The following MGMT variants were observed in gnomAD, a reference collection of about 807,000 sequenced individuals.
MGMT encodes the protein methylated-DNA--protein-cysteine methyltransferase.
Under a neutral mutation model 15.9 loss-of-function variants are expected in MGMT, and 14 were observed. The observed-to-expected ratio is 0.88, with a 90% CI of 0.58 to 1.37. The LOEUF (loss-of-function observed/expected upper bound fraction) is 1.37. Among genes scored for constraint, MGMT ranks in the 40% most tolerant of loss-of-function variants. MGMT has a pLI of 0.00. For missense variants in MGMT, 282 were observed against 268.1 expected, an observed-to-expected ratio of 1.05 and a Z score of -0.36; for synonymous variants, 130 against 118.2, an observed-to-expected ratio of 1.10 and a Z score of -0.65.
rs1185912904 is a variant in MGMT, at chr10:129,533,785, G to T, written c.-12-2456G>T. Among the ~76,000 whole-genome samples the T allele has an allele frequency of 2.0e-5, 3 of 152,176 alleles. No individual in the cohort carries two copies. The highest frequency in any genetic ancestry group is 2.9e-5 in the Non-Finnish European group (2 of 68,042). On this transcript the variant is annotated intron_variant, in intron 1 of 4. Transcript: ENST00000651593. The surrounding 1 kb of genome is among the most constrained non-coding windows in gnomAD (Gnocchi z 4.5). Reference sequence around the variant, plus strand: ...CCAGCATCCTGCCTGAGAAGCAGTGGCCCGGGATGGTGGGAGATGTCTGCA... The same window carrying T: ...CCAGCATCCTGCCTGAGAAGCAGTGTCCCGGGATGGTGGGAGATGTCTGCA...
At chr10:129,569,388 T>A (rs1846391988) in intron 2 of MGMT, among the ~76,000 whole-genome samples, 1 of 152,174 alleles carries the variant, frequency 6.6e-6, no homozygotes, top group African/African-American at 2.4e-5. Flanking sequence ...CAGCACAGCC[T>A]TGTCCTCGGG....
chr10:129,729,441 C>A (rs879280), intron 3 of MGMT, among the ~76,000 whole-genome samples: 33,483 of 152,112 alleles, frequency 0.22, 4,666 homozygotes, highest in East Asian at 0.43. Context: ...GCCGAGCTGC[C>A]AGCCTCACCT....
intron 2 of MGMT, among the ~76,000 whole-genome samples, chr10:129,690,817 C>A (rs911524415): frequency 2.0e-5 from 3 of 152,152 alleles, no homozygotes; most frequent in African/African-American, 7.2e-5. Flanking sequence ...AGAGCCTGAG[C>A]CCCAGGCCAG....
intron 2 of MGMT, among the ~76,000 whole-genome samples, chr10:129,674,287 T>A (rs894893595): frequency 1.3e-5 from 2 of 151,404 alleles, no homozygotes; most frequent in African/African-American, 2.4e-5. Context: ...AAAAAAAAAA[T>A]AGTATAAACT....
intron 2 of MGMT, among the ~76,000 whole-genome samples, chr10:129,550,912 A>AC (rs1336936079): frequency 6.6e-5 from 10 of 151,920 alleles, no homozygotes; most frequent in African/African-American, 2.4e-4. Flanking sequence ...GTGTCCAAAG[A>AC]CCCCTGAGAC....
intron 1 of MGMT, among the ~76,000 whole-genome samples, chr10:129,503,282 C>T (rs1449230525): frequency 6.6e-6 from 1 of 152,104 alleles, no homozygotes. Context: ...AATGTCCCTG[C>T]CACTTCCCGA....
At chr10:129,646,432 A>G (rs375153522) in intron 2 of MGMT, among the ~76,000 whole-genome samples, 1 of 151,990 alleles carries the variant, frequency 6.6e-6, no homozygotes, top group African/African-American at 2.4e-5. Context: ...ATTTTTAACT[A>G]ACTGAAGCCA....
At chr10:129,579,761 A>G (rs1846530572) in intron 2 of MGMT, among the ~76,000 whole-genome samples, 1 of 152,166 alleles carries the variant, frequency 6.6e-6, no homozygotes, top group Admixed American at 6.5e-5. Flanking sequence ...CACATCGTTG[A>G]GGTTATGAGC....
intron 2 of MGMT, among the ~76,000 whole-genome samples, chr10:129,546,825 T>C (rs1846103187): frequency 6.6e-6 from 1 of 152,218 alleles, no homozygotes; most frequent in Non-Finnish European, 1.5e-5. Flanking sequence ...TGTGTTTGAT[T>C]AGTTTGACTT....
In MGMT at chr10:129,702,669, G is replaced by C. The variant is rs561881482; in HGVS notation, c.126-5226G>C. 1.6e-4 allele frequency among the ~76,000 whole-genome samples: 24 copies of C among 152,304 alleles called. No homozygotes were observed. The East Asian group carries it at 4.6e-3, about 29-fold the overall frequency. On this transcript the variant is annotated intron_variant, in intron 2 of 4. Transcript: ENST00000651593. ...TTGTCTCCTGCACTGGCTCCTGCTG[G>C]CATCATGAGCTGGCATCCGTGGCAG...
chr10:129,638,040 T>G (rs1422240983), intron 2 of MGMT, among the ~76,000 whole-genome samples: 2 of 152,192 alleles, frequency 1.3e-5, no homozygotes, highest in Non-Finnish European at 1.5e-5. Flanking sequence ...AGGCTGAAAT[T>G]CTAGGTAGAT....
At chr10:129,546,869 A>G (rs1364012209) in intron 2 of MGMT, among the ~76,000 whole-genome samples, 1 of 152,232 alleles carries the variant, frequency 6.6e-6, no homozygotes, top group African/African-American at 2.4e-5. Context: ...TGCTCAGCAT[A>G]TGCCTGAACT....
Position 129,719,700 on chromosome 10 carries a change from A to G in MGMT, c.274+11657A>G, listed in dbSNP as rs141398357. On this transcript the variant is annotated intron_variant, in intron 3 of 4. Transcript: ENST00000651593. Reference sequence around the variant, plus strand: ...TGAACAACCGAATGAGAACTTCTTCACCTCTTAAAGACCCCATCTGCTGAT... The same window carrying G: ...TGAACAACCGAATGAGAACTTCTTCGCCTCTTAAAGACCCCATCTGCTGAT... 2.2e-3 allele frequency among the ~76,000 whole-genome samples: 336 copies of G among 152,154 alleles called. 1 individual carries two copies. The highest frequency in any genetic ancestry group is 7.7e-3 in the African/African-American group (319 of 41,504).
In MGMT at chr10:129,766,898, G is replaced by A; in HGVS notation, c.525G>A (p.Arg175=). 6.2e-7 allele frequency: 1 copy of A among 1,613,574 alleles called. No homozygotes were observed. Among genetic ancestry groups the A allele is most frequent in the Non-Finnish European group, 8.5e-7 (1 of 1,180,040 alleles). ...GGCTTCTGGCCCATGAAGGCCACCG[G>A]TTGGGGAAGCCAGGCTTGGGAGGGA... is the stretch of plus-strand genomic sequence containing the variant. ...KEWLLAHEGH[R]LGKPGLGGSS... is the part of the protein sequence containing the mutation. Residue 175 remains arginine (R), a synonymous_variant, in exon 5 of 5, where the codon CGG becomes CGA. Transcript: ENST00000651593.
chr10:129,520,928 C>T lies in MGMT; in HGVS notation c.-12-15313C>T, dbSNP rs180792115. On this transcript the variant is annotated intron_variant, in intron 1 of 4. Transcript: ENST00000651593. The stretch of plus-strand genomic sequence containing the variant: ...GTGTGCATACAGAACCCCTACGGTG[C>T]GGGTACACAGCCCCTAAGGTGTGCC... 4.2e-3 allele frequency among the ~76,000 whole-genome samples: 621 copies of T among 148,216 alleles called. 6 individuals are homozygous for T. Among genetic ancestry groups the T allele is most frequent in the African/African-American group, 0.014 (571 of 40,134 alleles).
At chr10:129,521,357 C>T (rs945581104) in intron 1 of MGMT, among the ~76,000 whole-genome samples, 7 of 152,116 alleles carry the variant, frequency 4.6e-5, no homozygotes, top group East Asian at 1.9e-4. Context: ...AGCGAGGCCC[C>T]GCCCAGCCTC....
chr10:129,767,063 G>C lies in MGMT; in HGVS notation c.*66G>C. On this transcript the variant is annotated 3_prime_UTR_variant, in exon 5 of 5. Coordinates refer to ENST00000651593, the MANE Select transcript of MGMT (RefSeq NM_002412.5). ...TAACACTGCATCGGATGCGGGGCGT[G>C]GAGGCACCGCTGTATTAAAGGAAGT... is the stretch of plus-strand genomic sequence containing the variant. 3.8e-6 allele frequency: 5 copies of C among 1,317,166 alleles called. No homozygotes were observed. The highest frequency in any genetic ancestry group is 5.2e-6 in the Non-Finnish European group (5 of 967,064). 81.6% of individuals were successfully genotyped at this position (1,317,166 alleles called of 1,614,324 possible).
At chr10:129,526,769 C>T (rs1301675840) in intron 1 of MGMT, among the ~76,000 whole-genome samples, 2 of 152,300 alleles carry the variant, frequency 1.3e-5, no homozygotes, top group African/African-American at 2.4e-5. Context: ...TTAGACCTGA[C>T]AGTTTTTAGT....
At chr10:129,638,429 C>CAAAAAAAAAAAAAAAAGAAAA (rs1327986095) in intron 2 of MGMT, among the ~76,000 whole-genome samples, 2 of 61,756 alleles carry the variant, frequency 3.2e-5, no homozygotes, top group Non-Finnish European at 6.5e-5. Flanking sequence ...ACCAAAGAGG[C>CAAAAAAAAAAAAAAAAGAAAA]AAAAAAAAAA....
Sources: gnomAD v4.1 joint callset for allele counts (sites outside exome capture counted in the v4.1 genomes callset) on GRCh38, gnomAD v4.1.1 for gene constraint, Gnocchi (gnomAD v3.1) non-coding constraint, MANE v1.5 for transcripts, NCBI Gene and HGNC (gene_info 2026-07-23, HGNC 2026-07-21) for gene names.